Variants in WDR17 observed in about 807,000 individuals in gnomAD.
The protein encoded by WDR17 is WD repeat-containing protein 17.
A neutral mutation model predicts 161.7 loss-of-function variants in WDR17; 143 were observed. The ratio of observed to expected loss-of-function variants is 0.88; its 90% CI spans 0.77 to 1.02. The LOEUF (loss-of-function observed/expected upper bound fraction) is 1.02. WDR17 is among the 50% of genes least tolerant of loss of function. The pLI is 0.00. For missense variants in WDR17, 1,469 were observed against 1,520.9 expected, an observed-to-expected ratio of 0.97 and a Z score of 0.57; for synonymous variants, 517 against 515.6, an observed-to-expected ratio of 1.00 and a Z score of -0.04.
intron 1 of WDR17, 57 bp from the exon 2 acceptor site, chr4:176,111,518 T>C: frequency 6.4e-7 from 1 of 1,557,418 alleles, no homozygotes; most frequent in Non-Finnish European, 8.7e-7. Flanking sequence ...TGTAAAACAA[T>C]GAGGAAGTTT....
At chr4:176,092,490 C>A (rs1392360372) in intron 1 of WDR17, among the ~76,000 whole-genome samples, 1 of 152,044 alleles carries the variant, frequency 6.6e-6, no homozygotes, top group Admixed American at 6.6e-5. Flanking sequence ...AATCTGAAAG[C>A]CTTTTACTAT....
At chr4:176,173,121 G>A in intron 24 of WDR17, 146 bp from the exon 25 acceptor site, 1 of 547,256 alleles carries the variant, frequency 1.8e-6, no homozygotes, top group East Asian at 3.1e-5. Flanking sequence ...ACCTGAGAGA[G>A]GATAAATAGG....
intron 4 of WDR17, among the ~76,000 whole-genome samples, chr4:176,122,578 T>C (rs1257136614): frequency 6.6e-6 from 1 of 152,228 alleles, no homozygotes; most frequent in Non-Finnish European, 1.5e-5. Context: ...TAACACTACA[T>C]TCTGGATTGT....
chr4:176,157,261 C>T (rs4690662), intron 18 of WDR17, among the ~76,000 whole-genome samples: 1 of 151,988 alleles, frequency 6.6e-6, no homozygotes, highest in Non-Finnish European at 1.5e-5. Flanking sequence ...TATGTAATTA[C>T]CTTTCTTCTG....
chr4:176,151,288 A>G (rs1747063528), intron 16 of WDR17, among the ~76,000 whole-genome samples: 1 of 152,156 alleles, frequency 6.6e-6, no homozygotes, highest in Non-Finnish European at 1.5e-5. Context: ...GCCTGTCTGT[A>G]CTGTTGTATA....
intron 16 of WDR17, 23 bp from the exon 17 acceptor site, chr4:176,151,789 T>G: frequency 6.5e-7 from 1 of 1,542,714 alleles, no homozygotes; most frequent in African/African-American, 1.4e-5. Context: ...TTTTTTTAAA[T>G]TCTATTTTCT....
At chr4:176,109,715 G>A (rs1302778392) in intron 1 of WDR17, among the ~76,000 whole-genome samples, 1 of 152,168 alleles carries the variant, frequency 6.6e-6, no homozygotes, top group African/African-American at 2.4e-5. Flanking sequence ...ACTAATTGCT[G>A]AGCATTAAAA....
At chr4:176,117,384 T>A (rs894802492) in intron 3 of WDR17, among the ~76,000 whole-genome samples, 4 of 152,040 alleles carry the variant, frequency 2.6e-5, no homozygotes, top group Admixed American at 1.3e-4. Context: ...ACAACAAATT[T>A]TTCTTGAAAT....
chr4:176,162,249 TG>T lies in WDR17; in HGVS notation c.2850+77del, dbSNP rs1425825605. 7.9e-5 allele frequency: 106 copies of T among 1,343,872 alleles called. 1 individual carries two copies. In the South Asian group the frequency reaches 1.3e-3, roughly 16 times the overall value. The allele number at this position is 1,343,872 out of a possible 1,614,324, so 83.2% of individuals were successfully genotyped here. A position where few individuals can be genotyped will look rare whatever the true frequency, so the allele number is the denominator to read the frequency against. On this transcript the variant is annotated intron_variant, in intron 21 of 28. Transcript: ENST00000508596. ...TCATGGTGTTTGAGAGGAAAAGATA[TG>T]GTGACTTTCTATGTGAGATCTGGTT...
intron 3 of WDR17, among the ~76,000 whole-genome samples, chr4:176,119,071 A>G (rs1203749726): frequency 6.6e-6 from 1 of 152,150 alleles, no homozygotes; most frequent in Non-Finnish European, 1.5e-5. Context: ...GCCAGCTAAT[A>G]TATCAGTGTT....
intron 23 of WDR17, among the ~76,000 whole-genome samples, chr4:176,169,609 T>A (rs114305057): frequency 2.0e-5 from 3 of 152,362 alleles, no homozygotes; most frequent in African/African-American, 7.2e-5. Context: ...CTTGAACTTC[T>A]AAAATAATGA....
At chr4:176,084,432 T>G (rs2126604470) in intron 1 of WDR17, among the ~76,000 whole-genome samples, 1 of 152,214 alleles carries the variant, frequency 6.6e-6, no homozygotes, top group South Asian at 2.1e-4. Context: ...ATTAATCTAT[T>G]TATAAGAGAG....
At chr4:176,066,208 C>G (rs73874909) in intron 1 of WDR17, 129 bp downstream of exon 1, 6,321 of 152,384 alleles carry the variant, frequency 0.041, 244 homozygotes, top group African/African-American at 0.1. Flanking sequence ...GGGTAATGTA[C>G]GTCCTGCAGG....
Position 176,144,223 on chromosome 4 carries a change from C to A in WDR17, c.1530-1772C>A, listed in dbSNP as rs1309514001. On this transcript the variant is annotated intron_variant, in intron 11 of 28. Transcript: ENST00000508596. ...GCTCAAAAACCACAGAAAAGTATTC[C>A]TTGACCCCCATATGAAGTAAGTTTC... Among the ~76,000 whole-genome samples the A allele has an allele frequency of 3.9e-5, 6 of 152,244 alleles. No homozygotes were observed. In the East Asian group the frequency reaches 1.2e-3, roughly 29 times the overall value.
intron 2 of WDR17, among the ~76,000 whole-genome samples, 161 bp downstream of exon 2, chr4:176,111,864 G>A (rs553829707): frequency 1.1e-3 from 171 of 152,104 alleles, no homozygotes; most frequent in African/African-American, 4.0e-3. Context: ...GGTTTTAAAA[G>A]TTAAACCTTT....
intron 1 of WDR17, among the ~76,000 whole-genome samples, chr4:176,091,923 C>A (rs1736175068): frequency 6.6e-6 from 1 of 152,070 alleles, no homozygotes; most frequent in Non-Finnish European, 1.5e-5. Flanking sequence ...CCTGAATAGA[C>A]CAATAGCAAG....
Position 176,150,462 on chromosome 4 carries a change from C to T in WDR17, c.2179-6C>T. On this transcript the variant is annotated splice_polypyrimidine_tract_variant and splice_region_variant and intron_variant, in intron 15 of 28. Transcript: ENST00000508596. ...ATTCCATATTTATTTTTTGTCAACT[C>T]TTTAGCCTCCAGGTGGCAGTGACAA... The T allele has an allele frequency of 6.3e-7, 1 of 1,595,692 alleles. No individual in the cohort carries two copies. The highest frequency in any genetic ancestry group is 8.5e-7 in the Non-Finnish European group (1 of 1,175,174).
At chr4:176,096,400 A>G in intron 1 of WDR17, 3 of 689,258 alleles carry the variant, frequency 4.4e-6, no homozygotes, top group Non-Finnish European at 7.2e-6. Flanking sequence ...TGTACTGAAC[A>G]TCATTTCACA....
At chr4:176,162,678 T>A (rs901012394) in intron 21 of WDR17, among the ~76,000 whole-genome samples, 3 of 152,206 alleles carry the variant, frequency 2.0e-5, no homozygotes, top group African/African-American at 4.8e-5. Context: ...ATTCACAAGT[T>A]ATATTTTTAA....
Sources: allele counts gnomAD v4.1 joint callset (sites outside exome capture counted in the v4.1 genomes callset), GRCh38; gene constraint gnomAD v4.1.1; transcripts MANE v1.5; gene names NCBI Gene and HGNC (gene_info 2026-07-23, HGNC 2026-07-21).